Variants in PREX1 observed in about 807,000 individuals in gnomAD.
PREX1 encodes the protein phosphatidylinositol 3,4,5-trisphosphate-dependent Rac exchanger 1 protein.
PREX1 carries 41 observed loss-of-function variants against 198.3 expected under a neutral mutation model. The ratio of observed to expected loss-of-function variants is 0.21; its 90% CI spans 0.16 to 0.27. The LOEUF is 0.27. Among genes scored for constraint, PREX1 ranks in the 10% least tolerant of loss-of-function variants. The probability of loss-of-function intolerance (pLI) is 1.00; values close to 1 mark genes in which losing one functional copy is unlikely to be tolerated. For missense variants in PREX1, 1,620 were observed against 2,200.7 expected, an observed-to-expected ratio of 0.74 and a Z score of 5.28; for synonymous variants, 843 against 887.2, an observed-to-expected ratio of 0.95 and a Z score of 0.89.
intron 1 of PREX1, among the ~76,000 whole-genome samples, chr20:48,819,023 G>A (rs982514803): frequency 2.0e-5 from 3 of 152,208 alleles, no homozygotes; most frequent in African/African-American, 7.2e-5. Context: ...GTAGGTCACA[G>A]AGCAGCCTGG....
the PREX1 span, among the ~76,000 whole-genome samples, chr20:48,844,327 G>T: frequency 6.6e-6 from 1 of 152,266 alleles, no homozygotes; most frequent in African/African-American, 2.4e-5. Flanking sequence ...TATGTGCTCA[G>T]ACTCTATCTT....
intron 7 of PREX1, 35 bp from the exon 8 acceptor site, chr20:48,692,825 G>A (rs188532016): frequency 6.8e-5 from 105 of 1,546,942 alleles, no homozygotes; most frequent in Admixed American, 1.5e-4. Context: ...TCCCCTACAC[G>A]TCACCTCCCA....
chr20:48,766,532 C>T (rs1232653637), intron 1 of PREX1, among the ~76,000 whole-genome samples: 1 of 152,176 alleles, frequency 6.6e-6, no homozygotes, highest in Non-Finnish European at 1.5e-5. Flanking sequence ...TTGCTCCTGC[C>T]CCCAGGCCTC....
chr20:48,653,292 G>C, intron 20 of PREX1, 69 bp downstream of exon 20: 1 of 1,574,160 alleles, frequency 6.4e-7, no homozygotes, highest in Non-Finnish European at 8.7e-7. Flanking sequence ...CTAAAGAGAG[G>C]ACAGCCCTCA....
At chr20:48,686,323 G>T (rs1214752144) in intron 10 of PREX1, among the ~76,000 whole-genome samples, 5 of 152,230 alleles carry the variant, frequency 3.3e-5, no homozygotes, top group Non-Finnish European at 7.3e-5. Flanking sequence ...ACGGCTGTGT[G>T]CAGAGCAAAG....
At chr20:48,832,507 A>G (rs1161387763), upstream of PREX1, among the ~76,000 whole-genome samples, 1 of 152,202 alleles carries the variant, frequency 6.6e-6, no homozygotes, top group Non-Finnish European at 1.5e-5. Flanking sequence ...TCCCAAATGC[A>G]AATGAGTTCT....
intron 18 of PREX1, chr20:48,656,358 G>A: frequency 2.5e-6 from 1 of 407,706 alleles, no homozygotes; most frequent in Non-Finnish European, 5.0e-6. Context: ...AGCTCCACTT[G>A]CAGCCACAGG....
chr20:48,761,080 T>G lies in PREX1; in HGVS notation c.220-13200A>C, dbSNP rs139451847. ...GTGGGAATGCCATTTCAAGGAGCTG[T>G]TCAGAGAAAGCCGTTCTGAGAAGAT... On this transcript the variant is annotated intron_variant, in intron 1 of 39. Transcript: ENST00000371941. 7.2e-5 allele frequency among the ~76,000 whole-genome samples: 11 copies of G among 152,268 alleles called. No homozygotes were observed. The East Asian group carries it at 2.1e-3, about 29-fold the overall frequency.
At chr20:48,767,015 G>A (rs570143047) in intron 1 of PREX1, among the ~76,000 whole-genome samples, 30 of 152,214 alleles carry the variant, frequency 2.0e-4, no homozygotes, top group South Asian at 1.7e-3. Context: ...TCTGCACAGC[G>A]CCCACCACTC....
intron 15 of PREX1, among the ~76,000 whole-genome samples, chr20:48,661,444 A>AAAAAATATATATATAT (rs1555832820): frequency 4.0e-5 from 2 of 49,588 alleles, no homozygotes; most frequent in Non-Finnish European, 3.1e-5. Flanking sequence ...AAAAAAAAAA[A>AAAAAATATATATATAT]ATATATATAT....
At chr20:48,696,554 A>G (rs1326998495) in intron 7 of PREX1, among the ~76,000 whole-genome samples, 1 of 152,110 alleles carries the variant, frequency 6.6e-6, no homozygotes, top group Non-Finnish European at 1.5e-5. Context: ...AGCTATTTCT[A>G]TCTCTGGATT....
At position 48,785,390 on chromosome 20, in the gene PREX1, G is replaced by A. The variant is rs112574555; in HGVS notation, c.220-37510C>T. ...ACACCAGCCCAGAGGACACCTTTAG[G>A]GCCCACTCATCGAAGCTGCAAAGAT... On this transcript the variant is annotated intron_variant, in intron 1 of 39. Coordinates refer to ENST00000371941, the MANE Select transcript of PREX1 (RefSeq NM_020820.4). Among the ~76,000 whole-genome samples, 24 of 152,290 alleles carry A rather than the reference G, an allele frequency of 1.6e-4. 1 individual carries two copies. The highest frequency in any genetic ancestry group is 5.8e-4 in the African/African-American group (24 of 41,552).
intron 5 of PREX1, among the ~76,000 whole-genome samples, chr20:48,711,482 C>T (rs1601091275): frequency 6.6e-6 from 1 of 152,090 alleles, no homozygotes; most frequent in Admixed American, 6.6e-5. Flanking sequence ...GGGACAGAGG[C>T]TGCCAGTTAG....
chr20:48,658,285 C>G, intron 16 of PREX1, 57 bp from the exon 17 acceptor site: 1 of 1,557,522 alleles, frequency 6.4e-7, no homozygotes, highest in Non-Finnish European at 8.8e-7. Flanking sequence ...CTACGGCCAG[C>G]CCCACCGTGG....
At chr20:48,746,987 CACACACACACACACACACACACA>C (rs2090111121) in intron 2 of PREX1, among the ~76,000 whole-genome samples, 21 of 145,054 alleles carry the variant, frequency 1.4e-4, no homozygotes, top group South Asian at 2.2e-4. Context: ...CACACACACA[CACACACACACACACACACACACA>C]CCCCACCCCC....
intron 35 of PREX1, among the ~76,000 whole-genome samples, chr20:48,631,470 C>T (rs1314030643): frequency 6.6e-6 from 1 of 152,220 alleles, no homozygotes; most frequent in Non-Finnish European, 1.5e-5. Context: ...AAGGCCTCAA[C>T]ATGTGTGAAT....
the PREX1 span, among the ~76,000 whole-genome samples, chr20:48,852,765 G>T: frequency 6.6e-6 from 1 of 152,174 alleles, no homozygotes; most frequent in South Asian, 2.1e-4. Context: ...TAACCTAATT[G>T]TCCATCAATA....
At chr20:48,643,460 T>C (rs533145468) in intron 27 of PREX1, among the ~76,000 whole-genome samples, 3 of 151,108 alleles carry the variant, frequency 2.0e-5, no homozygotes, top group Non-Finnish European at 4.4e-5. Context: ...AGAGTGAGAC[T>C]CTGTCTCAAA....
chr20:48,714,992 G>A (rs758197784), intron 5 of PREX1, among the ~76,000 whole-genome samples: 4 of 152,174 alleles, frequency 2.6e-5, no homozygotes, highest in Non-Finnish European at 4.4e-5. Flanking sequence ...CGAAAGGAGG[G>A]AGGTGAGAAG....
Sources: gnomAD v4.1 joint callset for allele counts (sites outside exome capture counted in the v4.1 genomes callset) on GRCh38, gnomAD v4.1.1 for gene constraint, MANE v1.5 for transcripts, NCBI Gene and HGNC (gene_info 2026-07-23, HGNC 2026-07-21) for gene names.